The following FLRT2 variants were observed in gnomAD, a reference collection of about 807,000 sequenced individuals.
FLRT2 encodes the protein leucine-rich repeat transmembrane protein FLRT2.
FLRT2 carries 15 observed loss-of-function variants against 40.0 expected under a neutral mutation model. That is an observed-to-expected ratio of 0.38 (90% CI 0.25 to 0.58). The LOEUF (loss-of-function observed/expected upper bound fraction) is 0.58. Ranked by LOEUF, FLRT2 falls within the 20% of genes least tolerant of loss-of-function variation. FLRT2 has a pLI of 0.71. For missense variants in FLRT2, 726 were observed against 840.0 expected, an observed-to-expected ratio of 0.86 and a Z score of 1.68; for synonymous variants, 380 against 336.8, an observed-to-expected ratio of 1.13 and a Z score of -1.41.
chr14:85,595,104 G>C lies in FLRT2; in HGVS notation c.-376-26035G>C, dbSNP rs898495230. On this transcript the variant is annotated intron_variant, in intron 1 of 1. Coordinates refer to ENST00000330753, the MANE Select transcript of FLRT2 (RefSeq NM_013231.6). ...ATCTCAGGGTGGCAGAGGTGGAAGAGATGAAGGGTGAAGGGGAAGCAAGAG... is the reference window on the plus strand; with the variant it reads ...ATCTCAGGGTGGCAGAGGTGGAAGACATGAAGGGTGAAGGGGAAGCAAGAG... Among the ~76,000 whole-genome samples, 5 of 152,268 alleles carry C rather than the reference G, an allele frequency of 3.3e-5. No homozygotes were observed. The East Asian group carries it at 9.7e-4, about 29-fold the overall frequency.
intron 1 of FLRT2, among the ~76,000 whole-genome samples, chr14:85,586,811 G>A (rs893431577): frequency 7.9e-5 from 12 of 152,158 alleles, no homozygotes; most frequent in Non-Finnish European, 1.5e-4. Context: ...ATTCTCATGG[G>A]CATGGTAGAT....
chr14:85,621,655 C>T lies in FLRT2; in HGVS notation c.141C>T (p.Val47=). 1.2e-6 allele frequency: 2 copies of T among 1,614,112 alleles called. No individual in the cohort carries two copies. The highest frequency in any genetic ancestry group is 1.7e-6 in the Non-Finnish European group (2 of 1,180,030). The change falls in exon 2 of 2, where the codon GTC becomes GTT. Residue 47 remains valine, a synonymous_variant. Coordinates refer to ENST00000330753, the MANE Select transcript of FLRT2 (RefSeq NM_013231.6). ...PSVCRCDRNF[V]YCNERSLTSV... is the part of the protein sequence containing the mutation. ...TGTGCCGCTGCGACAGGAACTTTGT[C>T]TACTGTAATGAGCGAAGCTTGACCT... is the stretch of plus-strand genomic sequence containing the variant.
chr14:85,588,881 T>C (rs1177556122), intron 1 of FLRT2, among the ~76,000 whole-genome samples: 1 of 152,236 alleles, frequency 6.6e-6, no homozygotes, highest in African/African-American at 2.4e-5. Flanking sequence ...TGTTTGTCTT[T>C]CTGTGCCTGC....
intron 1 of FLRT2, among the ~76,000 whole-genome samples, chr14:85,577,819 G>A (rs1003046236): frequency 4.6e-5 from 7 of 152,080 alleles, no homozygotes; most frequent in East Asian, 3.9e-4. Context: ...GTCCTCAAGC[G>A]ATCCTCTGGC....
At chr14:85,620,477 A>G (rs935240584) in intron 1 of FLRT2, among the ~76,000 whole-genome samples, 1 of 152,202 alleles carries the variant, frequency 6.6e-6, no homozygotes, top group African/African-American at 2.4e-5. Context: ...TCCATTAAGC[A>G]TGAATAAGGT....
In FLRT2 at chr14:85,638,925, CA is replaced by C. The variant is rs1307939623; in HGVS notation, c.*15432del. The C allele has an allele frequency of 6.6e-6, 1 of 152,086 alleles. No homozygotes were observed. The highest frequency in any genetic ancestry group is 2.4e-5 in the African/African-American group (1 of 41,402). 9.4% of individuals were successfully genotyped at this position (152,086 alleles called of 1,614,324 possible). On this transcript the variant is annotated 3_prime_UTR_variant, in exon 2 of 2. Transcript: ENST00000330753. ...AAAACATACAGTGCAAAAAAGCAAA[CA>C]AAAGTTAGCTAATAATCAATTCTTT...
intron 1 of FLRT2, among the ~76,000 whole-genome samples, chr14:85,562,216 C>T (rs1890376932): frequency 6.6e-6 from 1 of 152,198 alleles, no homozygotes; most frequent in African/African-American, 2.4e-5. Context: ...GTTTACACAC[C>T]TGGTCACCTT....
In FLRT2 at chr14:85,651,013, T is replaced by C. The variant is rs1185940292; in HGVS notation, c.*27516T>C. On this transcript the variant is annotated 3_prime_UTR_variant, in exon 2 of 2. Transcript: ENST00000330753. ...ATAGGCCTGAGCCACTGGCCTGTTTTGTTTTTCTTAATATAAGGCTATACA... is the reference window on the plus strand; with the variant it reads ...ATAGGCCTGAGCCACTGGCCTGTTTCGTTTTTCTTAATATAAGGCTATACA... The C allele has an allele frequency of 6.6e-6, 1 of 152,008 alleles. No individual in the cohort carries two copies. The highest frequency in any genetic ancestry group is 1.5e-5 in the Non-Finnish European group (1 of 67,980). The allele number at this position is 152,008 out of a possible 1,614,324, so 9.4% of individuals were successfully genotyped here.
Position 85,636,074 on chromosome 14 carries a change from C to T in FLRT2, c.*12577C>T, listed in dbSNP as rs988567105. 1 of 151,940 alleles carries T rather than the reference C, an allele frequency of 6.6e-6. No homozygotes were observed. The highest frequency in any genetic ancestry group is 6.6e-5 in the Admixed American group (1 of 15,252). 9.4% of individuals were successfully genotyped at this position (151,940 alleles called of 1,614,324 possible). ...TCAGATTAAGGTATCATTACCTGTTCTTTCATAAGCTGTTATTTATGCTTC... is the reference window on the plus strand; with the variant it reads ...TCAGATTAAGGTATCATTACCTGTTTTTTCATAAGCTGTTATTTATGCTTC... On this transcript the variant is annotated 3_prime_UTR_variant, in exon 2 of 2. Transcript: ENST00000330753.
rs1894442847 is a variant in FLRT2 at position 85,651,935 on chromosome 14, A to G, written c.*28438A>G. On this transcript the variant is annotated 3_prime_UTR_variant, in exon 2 of 2. Transcript: ENST00000330753. ...TATTATTGGTCATCATCACCTGCCT[A>G]TTAAATATGCTTTCCCACTAGGGCT... The G allele has an allele frequency of 6.6e-6, 1 of 152,116 alleles. No individual in the cohort carries two copies. The highest frequency in any genetic ancestry group is 2.4e-5 in the African/African-American group (1 of 41,456). The allele number at this position is 152,116 out of a possible 1,614,324, so 9.4% of individuals were successfully genotyped here.
rs935493773 is a variant in FLRT2, at chr14:85,634,498, G to A, written c.*11001G>A. 1.3e-5 allele frequency: 2 copies of A among 152,186 alleles called. No homozygotes were observed. The highest frequency in any genetic ancestry group is 2.4e-5 in the African/African-American group (1 of 41,438). 9.4% of individuals were successfully genotyped at this position (152,186 alleles called of 1,614,324 possible). The stretch of plus-strand genomic sequence containing the variant: ...GCAGGAAGTGAGCTGTTTTGTAATG[G>A]AGGCCAATTATATCTAACAGCAACT... On this transcript the variant is annotated 3_prime_UTR_variant, in exon 2 of 2. Coordinates refer to ENST00000330753, the MANE Select transcript of FLRT2 (RefSeq NM_013231.6).
In FLRT2 at chr14:85,635,970, A is replaced by G. The variant is rs1566772227; in HGVS notation, c.*12473A>G. ...TAATTTTTATATAATACACACTTCC[A>G]ATAATTGATAATAGTCTAATGATTG... is the stretch of plus-strand genomic sequence containing the variant. On this transcript the variant is annotated 3_prime_UTR_variant, in exon 2 of 2. Transcript: ENST00000330753. 2 of 152,124 alleles carry G rather than the reference A, an allele frequency of 1.3e-5. No individual in the cohort carries two copies. The highest frequency in any genetic ancestry group is 1.3e-4 in the Admixed American group (2 of 15,280). The allele number at this position is 152,124 out of a possible 1,614,324, so 9.4% of individuals were successfully genotyped here.
intron 1 of FLRT2, among the ~76,000 whole-genome samples, chr14:85,539,197 G>C (rs1187551273): frequency 1.3e-5 from 2 of 151,848 alleles, no homozygotes; most frequent in Admixed American, 6.6e-5. Context: ...ATTTATACAG[G>C]AAAGTCCTAC....
At chr14:85,535,683 A>G (rs547718852) in intron 1 of FLRT2, among the ~76,000 whole-genome samples, 15 of 147,282 alleles carry the variant, frequency 1.0e-4, no homozygotes, top group Admixed American at 9.8e-4. Flanking sequence ...GGGTTAAACC[A>G]TTTAGGGATT....
intron 1 of FLRT2, among the ~76,000 whole-genome samples, chr14:85,587,498 T>C (rs146435531): frequency 9.9e-5 from 15 of 152,228 alleles, no homozygotes; most frequent in African/African-American, 3.6e-4. Context: ...AAAAAGCATA[T>C]TCAGTTCCTA....
At chr14:85,567,802 G>A (rs1248579166) in intron 1 of FLRT2, among the ~76,000 whole-genome samples, 1 of 151,688 alleles carries the variant, frequency 6.6e-6, no homozygotes, top group African/African-American at 2.4e-5. Flanking sequence ...CACCATGGCC[G>A]GCTACTTTTT....
chr14:85,586,559 A>C (rs1454774405), intron 1 of FLRT2, among the ~76,000 whole-genome samples: 1 of 151,280 alleles, frequency 6.6e-6, no homozygotes, highest in South Asian at 2.1e-4. Context: ...ACTTAAAAAA[A>C]GAATACTTAC....
chr14:85,544,848 T>G (rs1594996064), intron 1 of FLRT2, among the ~76,000 whole-genome samples: 1 of 152,346 alleles, frequency 6.6e-6, no homozygotes, highest in Non-Finnish European at 1.5e-5. Flanking sequence ...GTGGTGTATT[T>G]GCAAACACAC....
At chr14:85,553,079 G>C (rs1429016697) in intron 1 of FLRT2, among the ~76,000 whole-genome samples, 1 of 152,192 alleles carries the variant, frequency 6.6e-6, no homozygotes, top group African/African-American at 2.4e-5. Context: ...ATACCTAAGA[G>C]AGCAGCCCCC....
Sources: allele counts gnomAD v4.1 joint callset (sites outside exome capture counted in the v4.1 genomes callset), GRCh38; gene constraint gnomAD v4.1.1; transcripts MANE v1.5; gene names NCBI Gene and HGNC (gene_info 2026-07-23, HGNC 2026-07-21).